Variants in ATAD3B observed in about 807,000 individuals in gnomAD.
The protein encoded by ATAD3B is ATPase family AAA domain containing 3B, also known as ATPase family AAA domain-containing protein 3B.
Under a neutral mutation model 70.2 loss-of-function variants are expected in ATAD3B, and 59 were observed. That is an observed-to-expected ratio of 0.84 (90% confidence interval 0.68 to 1.04). The LOEUF (loss-of-function observed/expected upper bound fraction) is 1.04. Among genes scored for constraint, ATAD3B ranks in the 50% least tolerant of loss-of-function variants. The pLI is 0.00. For synonymous variants in ATAD3B, 423 were observed against 388.6 expected, an observed-to-expected ratio of 1.09 and a Z score of -1.04; for missense variants, 961 against 913.4, an observed-to-expected ratio of 1.05 and a Z score of -0.67.
intron 1 of ATAD3B, 51 bp from the exon 2 acceptor site, chr1:1,477,223 T>G: frequency 1.9e-6 from 3 of 1,604,154 alleles, no homozygotes; most frequent in South Asian, 1.1e-5. Context: ...TTGGCCAGGC[T>G]TTGGTATCCG....
In ATAD3B at chr1:1,496,009, C is replaced by T. The variant is rs773754933; in HGVS notation, c.*192C>T. The T allele has an allele frequency of 1.7e-5, 23 of 1,344,078 alleles. No individual in the cohort carries two copies. Among genetic ancestry groups the T allele is most frequent in the Non-Finnish European group, 2.0e-5 (21 of 1,049,136 alleles). The allele number at this position is 1,344,078 out of a possible 1,614,324, so 83.3% of individuals were successfully genotyped here. ...GCAGGCGGGGTCTTTGTTCTCGGCT[C>T]CCACAGCAGAGCCAGGTGAGGGGGG... On this transcript the variant is annotated 3_prime_UTR_variant, in exon 16 of 16. Coordinates refer to ENST00000673477, the MANE Select transcript of ATAD3B (RefSeq NM_031921.6).
chr1:1,489,860 C>T lies in ATAD3B; in HGVS notation c.1338-397C>T. 4.9e-6 allele frequency: 6 copies of T among 1,218,886 alleles called. No homozygotes were observed. In the South Asian group the frequency reaches 7.6e-5, roughly 16 times the overall value. 75.5% of individuals were successfully genotyped at this position (1,218,886 alleles called of 1,614,324 possible). On this transcript the variant is annotated intron_variant, in intron 13 of 15. Coordinates refer to ENST00000673477, the MANE Select transcript of ATAD3B (RefSeq NM_031921.6). ...GGGGCCCTGCTGAGCCTCTGCTGAA[C>T]CCGGGCCCCCGAGGTCCTGCTTCTG...
chr1:1,473,779 C>T (rs1351264794), intron 1 of ATAD3B, among the ~76,000 whole-genome samples: 1 of 152,072 alleles, frequency 6.6e-6, no homozygotes. Context: ...CAGTCCTGAG[C>T]CACCGCACCC....
rs372051959 is a variant in ATAD3B at position 1,489,291 on chromosome 1, G to T, written c.1337+17G>T. On this transcript the variant is annotated intron_variant, in intron 13 of 15. Coordinates refer to ENST00000673477, the MANE Select transcript of ATAD3B (RefSeq NM_031921.6). ...CAGCAACAAGTGAGGGAGCCCCTCG[G>T]GTCCTGAGCCCCCGGGCAGGGCTGT... 9.9e-5 allele frequency: 159 copies of T among 1,613,276 alleles called. 2 individuals carry two copies. The African/African-American group carries it at 1.8e-3, about 19-fold the overall frequency.
At chr1:1,490,777 T>C (rs1640503878) in intron 15 of ATAD3B, 106 bp downstream of exon 15, 1 of 1,502,526 alleles carries the variant, frequency 6.7e-7, no homozygotes, top group South Asian at 1.3e-5. Context: ...GGAGCTTCTG[T>C]TGAGGGGTTT....
At chr1:1,491,189 A>G (rs527553409) in intron 15 of ATAD3B, among the ~76,000 whole-genome samples, 3 of 151,334 alleles carry the variant, frequency 2.0e-5, no homozygotes, top group Admixed American at 1.3e-4. Flanking sequence ...CTCCTTGGAT[A>G]CTCCAGGGCC....
chr1:1,479,412 GCA>G (rs1267182261), intron 4 of ATAD3B, among the ~76,000 whole-genome samples: 1 of 125,616 alleles, frequency 8.0e-6, no homozygotes. Flanking sequence ...ACACACCCCT[GCA>G]CACACGGGCC....
Position 1,482,395 on chromosome 1 carries a change from G to T in ATAD3B, c.680+92G>T, listed in dbSNP as rs1325192712. On this transcript the variant is annotated intron_variant, in intron 6 of 15. Coordinates refer to ENST00000673477, the MANE Select transcript of ATAD3B (RefSeq NM_031921.6). ...GGCGCTCTCCAGCTCTTCCAGGCCT[G>T]GCCGCCATAGGCTGACTCCTTGGTG... The T allele has an allele frequency of 1.8e-4, 286 of 1,580,936 alleles. 2 individuals carry two copies. The highest frequency in any genetic ancestry group is 1.4e-3 in the East Asian group (63 of 43,692).
chr1:1,472,006 C>A lies in ATAD3B; in HGVS notation c.122C>A (p.Pro41Gln). Residue 41 changes from proline (P) to glutamine (Q), a missense_variant, in exon 1 of 16, where the codon CCG becomes CAG. Pro to Gln is a moderately conservative substitution (Grantham distance 76). Coordinates refer to ENST00000673477, the MANE Select transcript of ATAD3B (RefSeq NM_031921.6). ...GGGDRGLGDR[P>Q]APKDKWSNFD... Reference sequence around the variant, plus strand: ...GGGGACCGCGGTTTGGGAGACCGGCCGGCGCCCAAGGACAAATGGAGCAAC... The same window carrying A: ...GGGGACCGCGGTTTGGGAGACCGGCAGGCGCCCAAGGACAAATGGAGCAAC... 2 of 1,238,568 alleles carry A rather than the reference C, an allele frequency of 1.6e-6. No homozygotes were observed. Among genetic ancestry groups the A allele is most frequent in the Non-Finnish European group, 2.0e-6 (2 of 988,556 alleles). 76.7% of individuals were successfully genotyped at this position (1,238,568 alleles called of 1,614,324 possible).
chr1:1,505,091 C>T, the ATAD3B span, among the ~76,000 whole-genome samples: 6 of 152,200 alleles, frequency 3.9e-5, no homozygotes, highest in East Asian at 5.8e-4. Flanking sequence ...GCCACCTAGA[C>T]GTGGAGACCG....
chr1:1,489,119 A>C, intron 12 of ATAD3B, 85 bp from the exon 13 acceptor site: 1 of 1,600,974 alleles, frequency 6.2e-7, no homozygotes, highest in East Asian at 2.2e-5. Context: ...TGCTCCCTGC[A>C]GGAGGGAGGC....
intron 13 of ATAD3B, 133 bp downstream of exon 13, chr1:1,489,407 C>T (rs1640407930): frequency 3.4e-6 from 5 of 1,479,336 alleles, no homozygotes; most frequent in African/African-American, 1.4e-5. Flanking sequence ...CAGATGTCCC[C>T]TGGGAACGGC....
intron 15 of ATAD3B, among the ~76,000 whole-genome samples, chr1:1,494,012 T>C (rs1263807056): frequency 1.3e-5 from 2 of 152,006 alleles, no homozygotes; most frequent in African/African-American, 4.8e-5. Flanking sequence ...TTTTGTGAAT[T>C]CACATGTGAA....
intron 9 of ATAD3B, 59 bp downstream of exon 9, chr1:1,485,897 G>C (rs1441663765): frequency 1.2e-6 from 2 of 1,611,336 alleles, no homozygotes; most frequent in Non-Finnish European, 1.7e-6. Flanking sequence ...AGCTGGGCTG[G>C]GCTGTGGCCC....
chr1:1,505,735 C>CG, the ATAD3B span, among the ~76,000 whole-genome samples: 1 of 152,082 alleles, frequency 6.6e-6, no homozygotes, highest in African/African-American at 2.4e-5. Context: ...GCTCCTATCT[C>CG]GGTATGGCCT....
downstream of ATAD3B, among the ~76,000 whole-genome samples, chr1:1,499,680 G>A (rs1426954992): frequency 3.1e-5 from 4 of 129,830 alleles, 1 homozygote; most frequent in African/African-American, 6.0e-5. Context: ...TGCAACCTCC[G>A]CCTGCCGGGT....
downstream of ATAD3B, among the ~76,000 whole-genome samples, chr1:1,502,278 A>C (rs1640962174): frequency 6.7e-6 from 1 of 148,296 alleles, no homozygotes. Context: ...GCAGTGGCAT[A>C]ACCTCGGCTC....
At chr1:1,473,093 G>C (rs1369261403) in intron 1 of ATAD3B, among the ~76,000 whole-genome samples, 1 of 147,044 alleles carries the variant, frequency 6.8e-6, no homozygotes. Context: ...GAAGTGTTGG[G>C]ATTACAGGCC....
chr1:1,478,557 C>T (rs775951306), intron 2 of ATAD3B, 87 bp from the exon 3 acceptor site: 66 of 1,550,260 alleles, frequency 4.3e-5, no homozygotes, highest in Non-Finnish European at 5.1e-5. Flanking sequence ...GAGTCTCTGC[C>T]GTGCCGGAGC....
Sources: gnomAD v4.1 joint callset for allele counts (sites outside exome capture counted in the v4.1 genomes callset) on GRCh38, gnomAD v4.1.1 for gene constraint, MANE v1.5 for transcripts, NCBI Gene and HGNC (gene_info 2026-07-23, HGNC 2026-07-21) for gene names.